Variants in PRELID2 observed in about 807,000 individuals in gnomAD.
The protein encoded by PRELID2 is PRELI domain containing 2.
A neutral mutation model predicts 28.4 loss-of-function variants in PRELID2; 25 were observed. The ratio of observed to expected loss-of-function variants is 0.88; its 90% CI spans 0.64 to 1.23. The LOEUF is 1.23. Among genes scored for constraint, PRELID2 ranks in the 50% most tolerant of loss-of-function variants. The probability of loss-of-function intolerance (pLI) is 0.00; values close to 1 mark genes in which losing one functional copy is unlikely to be tolerated. For synonymous variants in PRELID2, 76 were observed against 71.6 expected, an observed-to-expected ratio of 1.06 and a Z score of -0.31; for missense variants, 201 against 214.4, an observed-to-expected ratio of 0.94 and a Z score of 0.39.
intron 1 of PRELID2, among the ~76,000 whole-genome samples, chr5:145,701,749 A>G (rs1231137895): frequency 1.3e-5 from 2 of 152,208 alleles, no homozygotes; most frequent in African/African-American, 4.8e-5. Context: ...TAGATTAGAG[A>G]ATTATAAAAT....
At chr5:145,542,846 G>A (rs1023100530) in intron 1 of PRELID2, among the ~76,000 whole-genome samples, 1 of 144,540 alleles carries the variant, frequency 6.9e-6, no homozygotes, top group Admixed American at 7.1e-5. Flanking sequence ...TACATGGTAC[G>A]CTTTTGTTAA....
the PRELID2 span, among the ~76,000 whole-genome samples, chr5:145,298,858 C>T: frequency 3.3e-5 from 5 of 152,082 alleles, no homozygotes; most frequent in African/African-American, 9.7e-5. Flanking sequence ...CAATAGGTTA[C>T]ATATTTGTTA....
At chr5:145,752,310 G>C (rs145456360), downstream of PRELID2, among the ~76,000 whole-genome samples, 994 of 152,270 alleles carry the variant, frequency 6.5e-3, 13 homozygotes, top group African/African-American at 0.022. Context: ...CTTCTGAGTT[G>C]ACACGTACAG....
At chr5:145,621,243 G>A (rs954323628) in intron 1 of PRELID2, among the ~76,000 whole-genome samples, 4 of 152,020 alleles carry the variant, frequency 2.6e-5, no homozygotes, top group East Asian at 1.9e-4. Context: ...TGACTAGGAC[G>A]GCTATCATAA....
At chr5:145,336,488 A>G in the PRELID2 span, among the ~76,000 whole-genome samples, 5 of 151,938 alleles carry the variant, frequency 3.3e-5, no homozygotes, top group African/African-American at 1.2e-4. Flanking sequence ...AGCTTTCTAC[A>G]TATGGCTAGC....
intron 1 of PRELID2, among the ~76,000 whole-genome samples, chr5:145,592,416 T>C (rs1753242996): frequency 6.6e-6 from 1 of 151,074 alleles, no homozygotes; most frequent in African/African-American, 2.4e-5. Flanking sequence ...CGAGACTCTG[T>C]CTCAAAAAAA....
the PRELID2 span, among the ~76,000 whole-genome samples, chr5:145,268,735 A>G: frequency 6.6e-6 from 1 of 152,132 alleles, no homozygotes; most frequent in Non-Finnish European, 1.5e-5. Context: ...TAAAGGTTGA[A>G]ATAAAAGGAA....
intron 1 of PRELID2, among the ~76,000 whole-genome samples, chr5:145,670,230 G>A (rs1481634992): frequency 1.3e-5 from 2 of 152,138 alleles, no homozygotes; most frequent in South Asian, 2.1e-4. Flanking sequence ...AGAGAGAGCA[G>A]GTGTGTCACG....
At chr5:145,531,594 T>C (rs1311014688) in intron 1 of PRELID2, among the ~76,000 whole-genome samples, 1 of 152,160 alleles carries the variant, frequency 6.6e-6, no homozygotes, top group African/African-American at 2.4e-5. Flanking sequence ...ACAAGGAATC[T>C]GGAAGGCCCA....
intron 1 of PRELID2, among the ~76,000 whole-genome samples, chr5:145,687,016 T>C (rs540635051): frequency 4.6e-5 from 7 of 152,260 alleles, no homozygotes; most frequent in African/African-American, 1.7e-4. Flanking sequence ...TCTAGAGAGA[T>C]GATGACAAAA....
At chr5:145,302,729 T>C in the PRELID2 span, among the ~76,000 whole-genome samples, 1 of 152,142 alleles carries the variant, frequency 6.6e-6, no homozygotes, top group African/African-American at 2.4e-5. Flanking sequence ...TAAAATAGTA[T>C]ATAAGTATAT....
intron 1 of PRELID2, among the ~76,000 whole-genome samples, chr5:145,661,023 G>A (rs1476503227): frequency 6.6e-6 from 1 of 152,146 alleles, no homozygotes; most frequent in African/African-American, 2.4e-5. Context: ...TGGAGAAAGT[G>A]CAGCATCACC....
intron 1 of PRELID2, among the ~76,000 whole-genome samples, chr5:145,563,113 A>T (rs1027576639): frequency 1.3e-5 from 2 of 152,226 alleles, no homozygotes; most frequent in Non-Finnish European, 2.9e-5. Flanking sequence ...ACGCTTGGCC[A>T]ATGATCTTAT....
At chr5:145,536,579 G>C (rs1185834792) in intron 1 of PRELID2, among the ~76,000 whole-genome samples, 1 of 151,588 alleles carries the variant, frequency 6.6e-6, no homozygotes. Context: ...GCTGGAGTTC[G>C]TGTTTTGCAT....
At chr5:145,615,562 G>A (rs1464590516) in intron 1 of PRELID2, among the ~76,000 whole-genome samples, 5 of 117,346 alleles carry the variant, frequency 4.3e-5, no homozygotes, top group Admixed American at 1.0e-4. Flanking sequence ...TCCTGACCTC[G>A]TGATCTGCCC....
At chr5:145,307,055 G>A in the PRELID2 span, among the ~76,000 whole-genome samples, 1 of 152,086 alleles carries the variant, frequency 6.6e-6, no homozygotes, top group South Asian at 2.1e-4. Context: ...TTTCACAATG[G>A]ACCTGGTCAA....
chr5:145,496,416 G>T (rs1171074077), intron 1 of PRELID2, among the ~76,000 whole-genome samples: 1 of 152,128 alleles, frequency 6.6e-6, no homozygotes, highest in Non-Finnish European at 1.5e-5. Flanking sequence ...AAATTAGGAG[G>T]TAAGTATATA....
intron 1 of PRELID2, among the ~76,000 whole-genome samples, chr5:145,528,866 C>T (rs919150051): frequency 2.6e-5 from 4 of 152,022 alleles, no homozygotes; most frequent in African/African-American, 9.7e-5. Flanking sequence ...TCCCACTGTG[C>T]TGATTCTCAA....
the PRELID2 span, among the ~76,000 whole-genome samples, chr5:145,459,246 C>G: frequency 6.6e-6 from 1 of 152,182 alleles, no homozygotes; most frequent in Non-Finnish European, 1.5e-5. Context: ...GGAGTCACTA[C>G]ACACTCAACA....
Sources: gnomAD v4.1 joint callset for allele counts (sites outside exome capture counted in the v4.1 genomes callset) on GRCh38, gnomAD v4.1.1 for gene constraint, MANE v1.5 for transcripts, NCBI Gene and HGNC (gene_info 2026-07-23, HGNC 2026-07-21) for gene names.